Variants in BCR observed in about 807,000 individuals in gnomAD.
BCR encodes the protein breakpoint cluster region protein.
In BCR, 58 loss-of-function variants were observed where a neutral mutation model predicts 138.6. That is an observed-to-expected ratio of 0.42 (90% CI 0.34 to 0.52). BCR has a LOEUF of 0.52. BCR is among the 20% of genes least tolerant of loss of function. The pLI, the probability that BCR is intolerant of heterozygous loss-of-function variation, is 0.06. For synonymous variants in BCR, 786 were observed against 730.1 expected (o/e 1.08, Z -1.23); for missense variants, 1,599 against 1,727.2 (o/e 0.93, Z 1.32).
intron 10 of BCR, among the ~76,000 whole-genome samples, chr22:23,286,155 A>G (rs1043738648): frequency 3.9e-5 from 6 of 152,206 alleles, no homozygotes; most frequent in African/African-American, 1.4e-4. Flanking sequence ...CATACAAGCT[A>G]CCCTGATGGG....
intron 12 of BCR, among the ~76,000 whole-genome samples, 196 bp downstream of exon 12, chr22:23,288,368 C>T (rs1981850129): frequency 6.6e-6 from 1 of 152,104 alleles, no homozygotes; most frequent in Non-Finnish European, 1.5e-5. Flanking sequence ...CCCTGCCAGC[C>T]TATCCTGCCC....
At chr22:23,222,307 T>C (rs544292212) in intron 1 of BCR, among the ~76,000 whole-genome samples, 1 of 152,282 alleles carries the variant, frequency 6.6e-6, no homozygotes, top group East Asian at 1.9e-4. Flanking sequence ...CTTGGGCCCC[T>C]TATTAGGCAC....
chr22:23,284,462 G>A (rs11704376), intron 9 of BCR, among the ~76,000 whole-genome samples: 26,659 of 151,840 alleles, frequency 0.18, 2,818 homozygotes, highest in Middle Eastern at 0.3. Context: ...AGTTATCCTC[G>A]GCATAGGCGT....
intron 1 of BCR, among the ~76,000 whole-genome samples, chr22:23,243,326 G>A (rs1325798214): frequency 6.6e-6 from 1 of 152,160 alleles, no homozygotes; most frequent in African/African-American, 2.4e-5. Flanking sequence ...GGAGAGGGGT[G>A]GAGATTGAAT....
At chr22:23,285,223 G>A in intron 10 of BCR, 22 bp downstream of exon 10, 1 of 1,600,570 alleles carries the variant, frequency 6.2e-7, no homozygotes, top group East Asian at 2.3e-5. Context: ...GGGAGCAAGG[G>A]CCGGGTTTGG....
At chr22:23,241,821 C>T (rs2073095975) in intron 1 of BCR, among the ~76,000 whole-genome samples, 1 of 152,178 alleles carries the variant, frequency 6.6e-6, no homozygotes, top group African/African-American at 2.4e-5. Context: ...CAGAACGTCA[C>T]CTGTCTCCCT....
At chr22:23,287,414 C>T (rs1384368196) in intron 11 of BCR, 136 bp downstream of exon 11, 4 of 1,358,578 alleles carry the variant, frequency 2.9e-6, no homozygotes, top group Non-Finnish European at 3.9e-6. Context: ...TGCAAGCACG[C>T]ACATTCCTTT....
At chr22:23,254,119 C>A in intron 2 of BCR, 139 bp downstream of exon 2, 1 of 949,792 alleles carries the variant, frequency 1.1e-6, no homozygotes, top group Non-Finnish European at 1.5e-6. Context: ...AAAACTCCTT[C>A]CTCATCTCTA....
chr22:23,279,675 G>A (rs2073620408), intron 8 of BCR, among the ~76,000 whole-genome samples: 1 of 152,208 alleles, frequency 6.6e-6, no homozygotes, highest in African/African-American at 2.4e-5. Flanking sequence ...GGGCTTCTTT[G>A]GCAACTTTTC....
Position 23,181,525 on chromosome 22 carries a change from G to C in BCR, c.565G>C (p.Val189Leu), listed in dbSNP as rs1285623067. The change falls in exon 1 of 23, where the codon GTG (valine) becomes CTG (leucine). Residue 189 changes from valine (V) to leucine (L), a missense_variant. By Grantham distance (32) the Val-to-Leu change is conservative. Transcript: ENST00000305877. ...NVEFHHERGLVKVNDKEVSDR... is the reference protein window; with the variant it reads ...NVEFHHERGLLKVNDKEVSDR... ...CGAGTTTCACCACGAGCGCGGCCTG[G>C]TGAAGGTCAACGACAAAGAGGTGTC... The C allele has an allele frequency of 1.2e-6, 2 of 1,612,910 alleles. No individual in the cohort carries two copies. The highest frequency in any genetic ancestry group is 4.5e-5 in the East Asian group (2 of 44,854).
chr22:23,261,874 C>A (rs2073361656), intron 4 of BCR: 1 of 172,022 alleles, frequency 5.8e-6, no homozygotes, highest in African/African-American at 2.4e-5. Flanking sequence ...GTTTTGACCT[C>A]CTTCCTTTCC....
chr22:23,304,628 A>G (rs2073938219), intron 16 of BCR, among the ~76,000 whole-genome samples: 1 of 149,880 alleles, frequency 6.7e-6, no homozygotes, highest in South Asian at 2.1e-4. Flanking sequence ...CAACAAGGTG[A>G]CTATTTGGGG....
At chr22:23,211,056 C>G (rs2146219718) in intron 1 of BCR, among the ~76,000 whole-genome samples, 1 of 152,334 alleles carries the variant, frequency 6.6e-6, no homozygotes, top group East Asian at 1.9e-4. Context: ...TTAGCACTCT[C>G]TCCCCATCCC....
In BCR at chr22:23,315,329, C is replaced by T. The variant is rs556289881; in HGVS notation, c.3727-104C>T. The T allele has an allele frequency of 5.5e-3, 5,854 of 1,057,468 alleles. 149 individuals carry two copies. The African/African-American group carries it at 0.059, about 11-fold the overall frequency. The allele number at this position is 1,057,468 out of a possible 1,614,324, so 65.5% of individuals were successfully genotyped here. A position where few individuals can be genotyped will look rare whatever the true frequency, so the allele number is the denominator to read the frequency against. On this transcript the variant is annotated intron_variant, in intron 22 of 22. Coordinates refer to ENST00000305877, the MANE Select transcript of BCR (RefSeq NM_004327.4). ...GGTTCATGACACCAGCAGGGGTCCC[C>T]AGCACCTGAGATGGACTTGGAGGCT...
intron 1 of BCR, among the ~76,000 whole-genome samples, chr22:23,223,290 G>T (rs1294726321): frequency 1.3e-5 from 2 of 152,056 alleles, no homozygotes; most frequent in Admixed American, 1.3e-4. Flanking sequence ...GTGTGAGCAT[G>T]TGTGAGTATT....
chr22:23,211,497 C>CT (rs1268417638), intron 1 of BCR, among the ~76,000 whole-genome samples: 3 of 142,932 alleles, frequency 2.1e-5, no homozygotes, highest in Non-Finnish European at 4.6e-5. Context: ...GCGCCCGGCC[C>CT]TTTTTTTTGA....
In BCR at chr22:23,260,612, T is replaced by C. The variant is rs80218526; in HGVS notation, c.1462-338T>C. Among the ~76,000 whole-genome samples the C allele has an allele frequency of 5.5e-3, 838 of 152,308 alleles. 9 individuals are homozygous for C. Among genetic ancestry groups the C allele is most frequent in the Non-Finnish European group, 7.8e-3 (530 of 68,016 alleles). On this transcript the variant is annotated intron_variant, in intron 2 of 22. Coordinates refer to ENST00000305877, the MANE Select transcript of BCR (RefSeq NM_004327.4). ...AGGTCAGAGCCTCCTTCTCCTTCCC[T>C]GACTGTGTCAGGCAGCTGCCCTTGG...
chr22:23,290,124 G>A lies in BCR; in HGVS notation c.2708-215G>A, dbSNP rs866519528. 2.1e-4 allele frequency: 130 copies of A among 627,172 alleles called. No individual in the cohort carries two copies. The Middle Eastern group carries it at 2.2e-3, about 11-fold the overall frequency. 38.9% of individuals were successfully genotyped at this position (627,172 alleles called of 1,614,324 possible). A position where few individuals can be genotyped will look rare whatever the true frequency, so the allele number is the denominator to read the frequency against. Reference sequence around the variant, plus strand: ...AACCTTATTACACTTCGAGTCACTGGTTTGCCTGTATTGTGAAACCAGCTG... The same window carrying A: ...AACCTTATTACACTTCGAGTCACTGATTTGCCTGTATTGTGAAACCAGCTG... On this transcript the variant is annotated intron_variant, in intron 13 of 22. Transcript: ENST00000305877.
At chr22:23,220,135 G>T (rs978804828) in intron 1 of BCR, among the ~76,000 whole-genome samples, 14 of 152,176 alleles carry the variant, frequency 9.2e-5, no homozygotes, top group Non-Finnish European at 1.8e-4. Context: ...CAGAGCATGC[G>T]GGGGTCCTGC....
Sources: gnomAD v4.1 joint callset for allele counts (sites outside exome capture counted in the v4.1 genomes callset) on GRCh38, gnomAD v4.1.1 for gene constraint, MANE v1.5 for transcripts, NCBI Gene and HGNC (gene_info 2026-07-23, HGNC 2026-07-21) for gene names.